LRCH1: variants seen among roughly 807,000 people sequenced by gnomAD.
The protein encoded by LRCH1 is leucine rich repeats and calponin homology domain containing 1.
Under a neutral mutation model 94.9 loss-of-function variants are expected in LRCH1, and 23 were observed. The observed-to-expected ratio is 0.24, with a 90% CI of 0.17 to 0.34. The LOEUF (loss-of-function observed/expected upper bound fraction) is 0.34, where lower values mean the gene tolerates loss of function less well. Ranked by LOEUF, LRCH1 falls within the 10% of genes least tolerant of loss-of-function variation. LRCH1 has a pLI of 1.00. For missense variants in LRCH1, 790 were observed against 945.9 expected (o/e 0.84, Z 2.16); for synonymous variants, 364 against 354.9 (o/e 1.03, Z -0.29).
downstream of LRCH1, among the ~76,000 whole-genome samples, chr13:46,745,938 C>A (rs1359768193): frequency 6.6e-6 from 1 of 152,092 alleles, no homozygotes; most frequent in African/African-American, 2.4e-5. Flanking sequence ...CAGAGCTAAC[C>A]CTGACACTGA....
intron 7 of LRCH1, among the ~76,000 whole-genome samples, chr13:46,691,635 C>T (rs970775509): frequency 2.0e-5 from 3 of 152,232 alleles, no homozygotes; most frequent in African/African-American, 7.2e-5. Flanking sequence ...CACATGGTGA[C>T]AGCCAGAGCA....
At chr13:46,693,107 G>A (rs1204934261) in intron 8 of LRCH1, among the ~76,000 whole-genome samples, 1 of 151,912 alleles carries the variant, frequency 6.6e-6, no homozygotes, top group Non-Finnish European at 1.5e-5. Flanking sequence ...GAGTAGCTGG[G>A]ATTACAGGCA....
chr13:46,555,345 CTAATAA>C (rs1031871519), intron 1 of LRCH1, among the ~76,000 whole-genome samples: 2 of 152,210 alleles, frequency 1.3e-5, no homozygotes, highest in African/African-American at 4.8e-5. Context: ...GCTGGCATGA[CTAATAA>C]TAATAGGTTT....
intron 1 of LRCH1, among the ~76,000 whole-genome samples, chr13:46,553,978 C>T (rs535813102): frequency 6.6e-6 from 1 of 152,304 alleles, no homozygotes; most frequent in South Asian, 2.1e-4. Context: ...GGCTCTCCAC[C>T]CTGTGGCTGC....
intron 1 of LRCH1, among the ~76,000 whole-genome samples, chr13:46,618,569 A>G (rs2050839960): frequency 6.6e-6 from 1 of 152,222 alleles, no homozygotes; most frequent in Non-Finnish European, 1.5e-5. Flanking sequence ...TAAATACAGA[A>G]CCTTCTTCAT....
chr13:46,602,844 G>A (rs934907751), intron 1 of LRCH1, among the ~76,000 whole-genome samples: 5 of 152,278 alleles, frequency 3.3e-5, no homozygotes, highest in Admixed American at 2.0e-4. Context: ...AGCTACTGAA[G>A]AGGCTGAGGT....
chr13:46,714,979 G>A (rs1046600107), intron 15 of LRCH1, among the ~76,000 whole-genome samples: 1 of 152,098 alleles, frequency 6.6e-6, no homozygotes, highest in Non-Finnish European at 1.5e-5. Flanking sequence ...GCTAGATTCA[G>A]CTATCTATAA....
At chr13:46,634,864 G>A (rs192696252) in intron 1 of LRCH1, among the ~76,000 whole-genome samples, 194 of 152,230 alleles carry the variant, frequency 1.3e-3, no homozygotes, top group African/African-American at 4.6e-3. Flanking sequence ...GGAAGGGTTG[G>A]GAGGGTACCA....
intron 2 of LRCH1, among the ~76,000 whole-genome samples, chr13:46,657,938 C>T (rs959962841): frequency 6.6e-6 from 1 of 151,880 alleles, no homozygotes. Flanking sequence ...AGTGGTTTAT[C>T]CCTAGGCTAC....
chr13:46,656,559 C>A (rs1353757994), intron 2 of LRCH1, among the ~76,000 whole-genome samples: 1 of 152,186 alleles, frequency 6.6e-6, no homozygotes. Flanking sequence ...CAGAAAGACA[C>A]CAAAAACACA....
intron 18 of LRCH1, among the ~76,000 whole-genome samples, chr13:46,732,752 C>G (rs1280525921): frequency 6.6e-6 from 1 of 152,184 alleles, no homozygotes; most frequent in Non-Finnish European, 1.5e-5. Flanking sequence ...CCTCTGTTAT[C>G]TTCAGTCATG....
intron 1 of LRCH1, among the ~76,000 whole-genome samples, chr13:46,603,019 T>C (rs2050647778): frequency 6.8e-6 from 1 of 146,456 alleles, no homozygotes; most frequent in South Asian, 2.2e-4. Context: ...AATAATTAAA[T>C]AACTCATTTC....
chr13:46,691,931 A>C (rs541346906), intron 7 of LRCH1, among the ~76,000 whole-genome samples: 6 of 151,960 alleles, frequency 3.9e-5, no homozygotes, highest in African/African-American at 1.4e-4. Context: ...CTTGTGATCC[A>C]CCTGCCTCAG....
At chr13:46,657,489 TCTTTTC>T in intron 2 of LRCH1, among the ~76,000 whole-genome samples, 1 of 114,018 alleles carries the variant, frequency 8.8e-6, no homozygotes, top group African/African-American at 3.1e-5. Flanking sequence ...TTTTACTTTT[TCTTTTC>T]TTTTCTTTTT....
intron 2 of LRCH1, among the ~76,000 whole-genome samples, chr13:46,663,035 C>G (rs2051469810): frequency 6.6e-6 from 1 of 152,132 alleles, no homozygotes; most frequent in Non-Finnish European, 1.5e-5. Flanking sequence ...AATGATGATT[C>G]TGTTTTTCTA....
intron 7 of LRCH1, 134 bp downstream of exon 7, chr13:46,689,330 T>C (rs1216457052): frequency 1.6e-6 from 1 of 619,606 alleles, no homozygotes; most frequent in Non-Finnish European, 2.8e-6. Flanking sequence ...GATTTGTATA[T>C]TCATGTGATT....
intron 13 of LRCH1, among the ~76,000 whole-genome samples, chr13:46,707,121 C>A (rs1468980684): frequency 6.6e-6 from 1 of 152,058 alleles, no homozygotes; most frequent in Non-Finnish European, 1.5e-5. Flanking sequence ...GCATTTTTTT[C>A]CTTTCAGTGT....
chr13:46,657,423 T>C (rs2051383973), intron 2 of LRCH1, among the ~76,000 whole-genome samples: 1 of 146,214 alleles, frequency 6.8e-6, no homozygotes, highest in South Asian at 2.2e-4. Context: ...ATATGAAAGG[T>C]GTGGATTTTG....
chr13:46,564,451 C>A (rs2050160931), intron 1 of LRCH1, among the ~76,000 whole-genome samples: 2 of 152,226 alleles, frequency 1.3e-5, no homozygotes, highest in Admixed American at 6.5e-5. Context: ...GTGAATGAGG[C>A]CCCTGCCTCT....
Sources: allele counts gnomAD v4.1 joint callset (sites outside exome capture counted in the v4.1 genomes callset), GRCh38; gene constraint gnomAD v4.1.1; transcripts MANE v1.5; gene names NCBI Gene and HGNC (gene_info 2026-07-23, HGNC 2026-07-21).